GPC6: variants seen among roughly 807,000 people sequenced by gnomAD.
The protein encoded by GPC6 is glypican-6.
In GPC6, 14 loss-of-function variants were observed where a neutral mutation model predicts 55.2. That is an observed-to-expected ratio of 0.25 (90% CI 0.17 to 0.40). GPC6 has a LOEUF of 0.40. Ranked by LOEUF, GPC6 falls within the 10% of genes least tolerant of loss-of-function variation. The pLI is 1.00. For missense variants in GPC6, 641 were observed against 708.5 expected (o/e 0.90, Z 1.08); for synonymous variants, 278 against 259.6 (o/e 1.07, Z -0.68).
chr13:94,041,584 G>T (rs1883534646), intron 4 of GPC6, among the ~76,000 whole-genome samples: 1 of 151,724 alleles, frequency 6.6e-6, no homozygotes, highest in Non-Finnish European at 1.5e-5. Flanking sequence ...GTTTAATTTA[G>T]AAATCTTAAC....
intron 2 of GPC6, among the ~76,000 whole-genome samples, chr13:93,611,268 T>C (rs1418803987): frequency 6.6e-6 from 1 of 152,154 alleles, no homozygotes; most frequent in Admixed American, 6.5e-5. Context: ...TATTGGAGAT[T>C]GTGGCATGTG....
At chr13:93,521,050 A>G (rs1881400957) in intron 1 of GPC6, among the ~76,000 whole-genome samples, 1 of 151,984 alleles carries the variant, frequency 6.6e-6, no homozygotes, top group Non-Finnish European at 1.5e-5. Context: ...ATGTACACGT[A>G]TATGTTAGAT....
At chr13:94,325,186 G>GAGAAGAAAGAAGAA (rs139782978) in intron 6 of GPC6, among the ~76,000 whole-genome samples, 2 of 151,834 alleles carry the variant, frequency 1.3e-5, no homozygotes, top group African/African-American at 4.9e-5. Context: ...AAGAGGAGAA[G>GAGAAGAAAGAAGAA]AGAAGAAAGA....
rs1049452892 is a variant in GPC6 at position 93,276,505 on chromosome 13, T to A, written c.160+48889T>A. Among the ~76,000 whole-genome samples the A allele has an allele frequency of 8.8e-3, 958 of 109,206 alleles. 1 individual carries two copies. Among genetic ancestry groups the A allele is most frequent in the African/African-American group, 0.031 (883 of 28,894 alleles). The allele number at this position is 109,206 out of a possible 152,430, so 71.6% of individuals were successfully genotyped here. The stretch of plus-strand genomic sequence containing the variant: ...GAGAGAGAGAGAGAGAGTGTGTGTG[T>A]GTGTGTGTGTGTGTGTGTGTGTATG... On this transcript the variant is annotated intron_variant, in intron 1 of 8. Coordinates refer to ENST00000377047, the MANE Select transcript of GPC6 (RefSeq NM_005708.5).
intron 3 of GPC6, among the ~76,000 whole-genome samples, chr13:94,009,727 C>G (rs1357296246): frequency 6.6e-6 from 1 of 152,130 alleles, no homozygotes; most frequent in Admixed American, 6.6e-5. Context: ...TAGATAGTGG[C>G]CTGAGGTCTA....
At chr13:94,177,731 A>G (rs1307660736) in intron 4 of GPC6, among the ~76,000 whole-genome samples, 3 of 152,066 alleles carry the variant, frequency 2.0e-5, no homozygotes, top group Admixed American at 2.0e-4. Flanking sequence ...TTAACATAGC[A>G]TTTTTAGTTA....
At chr13:93,935,430 A>G (rs1190802699) in intron 3 of GPC6, among the ~76,000 whole-genome samples, 4 of 152,166 alleles carry the variant, frequency 2.6e-5, no homozygotes, top group Admixed American at 6.5e-5. Context: ...CTCAAAGGAC[A>G]TGCTTTTATT....
At chr13:93,387,301 C>T (rs963641972) in intron 1 of GPC6, among the ~76,000 whole-genome samples, 1 of 152,114 alleles carries the variant, frequency 6.6e-6, no homozygotes, top group Non-Finnish European at 1.5e-5. Flanking sequence ...CACCAGGTAC[C>T]TGTACTAATG....
At chr13:93,697,022 C>G (rs556913261) in intron 2 of GPC6, among the ~76,000 whole-genome samples, 4 of 152,184 alleles carry the variant, frequency 2.6e-5, no homozygotes, top group South Asian at 2.1e-4. Flanking sequence ...CCAAGGAATC[C>G]CTTTCTCCAT....
At chr13:93,742,625 G>A (rs1246330024) in intron 2 of GPC6, among the ~76,000 whole-genome samples, 1 of 152,154 alleles carries the variant, frequency 6.6e-6, no homozygotes, top group Non-Finnish European at 1.5e-5. Context: ...CAATGGAGAG[G>A]CTGACACCTC....
intron 4 of GPC6, among the ~76,000 whole-genome samples, chr13:94,116,971 G>C (rs1206622218): frequency 6.6e-6 from 1 of 151,948 alleles, no homozygotes; most frequent in Non-Finnish European, 1.5e-5. Flanking sequence ...AACAGAGTTT[G>C]GGGTTCTTTT....
intron 4 of GPC6, among the ~76,000 whole-genome samples, chr13:94,088,642 C>A (rs1315811375): frequency 6.6e-6 from 1 of 151,972 alleles, no homozygotes. Flanking sequence ...GCTACTATAG[C>A]CTCTTCTCTC....
intron 1 of GPC6, among the ~76,000 whole-genome samples, chr13:93,434,899 G>T (rs986956484): frequency 6.6e-6 from 1 of 152,012 alleles, no homozygotes; most frequent in African/African-American, 2.4e-5. Context: ...TAGAGACGAG[G>T]TTTCACCATA....
intron 3 of GPC6, among the ~76,000 whole-genome samples, chr13:93,986,356 A>C (rs1231615843): frequency 6.6e-6 from 1 of 152,232 alleles, no homozygotes; most frequent in Non-Finnish European, 1.5e-5. Context: ...AGGCCAATGA[A>C]GGATATTAAC....
At chr13:94,014,807 A>G (rs1186390144) in intron 3 of GPC6, among the ~76,000 whole-genome samples, 2 of 152,216 alleles carry the variant, frequency 1.3e-5, no homozygotes, top group African/African-American at 4.8e-5. Context: ...GTCTATGAGT[A>G]GCTTTTGTCA....
chr13:94,271,029 G>C (rs868414392), intron 4 of GPC6, among the ~76,000 whole-genome samples: 2 of 130,724 alleles, frequency 1.5e-5, no homozygotes, highest in Non-Finnish European at 3.1e-5. Flanking sequence ...TCGCTCTGTC[G>C]CCCAGGCTGG....
chr13:93,464,897 C>T (rs188131811), intron 1 of GPC6, among the ~76,000 whole-genome samples: 1 of 152,250 alleles, frequency 6.6e-6, no homozygotes, highest in African/African-American at 2.4e-5. Context: ...TGAAATGACT[C>T]ATTGATCTAT....
chr13:93,952,708 T>C (rs1386650840), intron 3 of GPC6, among the ~76,000 whole-genome samples: 2 of 151,230 alleles, frequency 1.3e-5, no homozygotes, highest in East Asian at 3.9e-4. Context: ...TGTGAGAGTA[T>C]ATATATTCAC....
intron 6 of GPC6, among the ~76,000 whole-genome samples, chr13:94,329,184 A>C (rs1011903440): frequency 4.6e-5 from 7 of 152,212 alleles, no homozygotes; most frequent in African/African-American, 1.7e-4. Flanking sequence ...AAAATAAAGA[A>C]ACTAAAATGT....
Sources: allele counts gnomAD v4.1 joint callset (sites outside exome capture counted in the v4.1 genomes callset), GRCh38; gene constraint gnomAD v4.1.1; transcripts MANE v1.5; gene names NCBI Gene and HGNC (gene_info 2026-07-23, HGNC 2026-07-21).